RFTN2: variants seen among roughly 807,000 people sequenced by gnomAD.
The protein encoded by RFTN2 is raftlin family member 2, also known as raftlin-2.
Under a neutral mutation model 52.7 loss-of-function variants are expected in RFTN2, and 34 were observed. That is an observed-to-expected ratio of 0.64 (90% CI 0.49 to 0.86). RFTN2 has a LOEUF of 0.86. Among genes scored for constraint, RFTN2 ranks in the 40% least tolerant of loss-of-function variants. The pLI is 0.00. For missense variants in RFTN2, 536 were observed against 600.1 expected, an observed-to-expected ratio of 0.89 and a Z score of 1.12; for synonymous variants, 203 against 217.7, an observed-to-expected ratio of 0.93 and a Z score of 0.59.
chr2:197,613,791 A>G (rs2088100442), intron 7 of RFTN2, among the ~76,000 whole-genome samples: 1 of 152,218 alleles, frequency 6.6e-6, no homozygotes, highest in Non-Finnish European at 1.5e-5. Flanking sequence ...CAAAATAAAC[A>G]CCAATATTGC....
chr2:197,649,264 G>T (rs2088793693), intron 1 of RFTN2, among the ~76,000 whole-genome samples: 1 of 152,116 alleles, frequency 6.6e-6, no homozygotes, highest in African/African-American at 2.4e-5. Context: ...AACATACTGA[G>T]AATCCAAATA....
rs184196717 is a variant in RFTN2, at chr2:197,615,913, T to C, written c.1117A>G (p.Thr373Ala). The change falls in exon 7 of 9, where the codon ACA becomes GCA. Residue 373 changes from threonine to alanine, a missense_variant. By Grantham distance (58) the Thr-to-Ala change is moderately conservative. Coordinates refer to ENST00000295049, the MANE Select transcript of RFTN2 (RefSeq NM_144629.3). ...HTLAEFGWLLTSVLPTPVLRH... is the reference protein window; with the variant it reads ...HTLAEFGWLLASVLPTPVLRH... The stretch of plus-strand genomic sequence containing the variant: ...AATACAGGTGTGGGCAACACGCTTG[T>C]CAGAAGCCATCCGAATTCAGCCAGA... The C allele has an allele frequency of 1.9e-6, 3 of 1,558,806 alleles. No homozygotes were observed.
chr2:197,624,618 AAAAG>A (rs1347252720), intron 5 of RFTN2, among the ~76,000 whole-genome samples: 90 of 148,482 alleles, frequency 6.1e-4, no homozygotes, highest in Non-Finnish European at 8.1e-4. Context: ...AAAAAAAAAA[AAAAG>A]AAAGAGCCAA....
intron 3 of RFTN2, among the ~76,000 whole-genome samples, chr2:197,634,684 T>G (rs927316628): frequency 6.8e-6 from 1 of 147,398 alleles, no homozygotes; most frequent in African/African-American, 2.6e-5. Flanking sequence ...TAAGAATGCT[T>G]ATTTTTTATT....
chr2:197,612,964 T>A (rs2088087799), intron 7 of RFTN2, among the ~76,000 whole-genome samples: 1 of 152,212 alleles, frequency 6.6e-6, no homozygotes, highest in Non-Finnish European at 1.5e-5. Flanking sequence ...ACAGTAATTT[T>A]AAGTTATGTT....
At chr2:197,575,796 A>ATATATTTTATATACATAATATATATTCTC (rs1415567240) in intron 8 of RFTN2, among the ~76,000 whole-genome samples, 3 of 139,150 alleles carry the variant, frequency 2.2e-5, no homozygotes, top group African/African-American at 7.9e-5. Context: ...AATATATTAT[A>ATATATTTTATATACATAATATATATTCTC]TATATTTTAT....
At chr2:197,668,595 ACCTCAGGCCTGGCTGCAGTAG>A (rs913412273) in intron 1 of RFTN2, among the ~76,000 whole-genome samples, 25 of 152,066 alleles carry the variant, frequency 1.6e-4, no homozygotes, top group African/African-American at 5.8e-4. Flanking sequence ...CCTGGGTTGT[ACCTCAGGCCTGGCTGCAGTAG>A]CCTGCATGCA....
Position 197,643,067 on chromosome 2 carries a change from T to G in RFTN2, c.438+1091A>C, listed in dbSNP as rs114751667. Among the ~76,000 whole-genome samples the G allele has an allele frequency of 8.6e-3, 1,308 of 152,248 alleles. 14 individuals are homozygous for G. The highest frequency in any genetic ancestry group is 0.03 in the African/African-American group (1,262 of 41,526). On this transcript the variant is annotated intron_variant, in intron 3 of 8. Coordinates refer to ENST00000295049, the MANE Select transcript of RFTN2 (RefSeq NM_144629.3). ...ACAATGCCAGTTGTATTATGAATGT[T>G]AGCTTTTCTTTGTTTTTATTATTGT...
At chr2:197,614,168 T>C (rs1005065792) in intron 7 of RFTN2, among the ~76,000 whole-genome samples, 1 of 152,236 alleles carries the variant, frequency 6.6e-6, no homozygotes, top group African/African-American at 2.4e-5. Context: ...AAACGTAAGC[T>C]TAACCAGCTC....
intron 7 of RFTN2, among the ~76,000 whole-genome samples, chr2:197,609,797 A>C (rs535804809): frequency 6.6e-6 from 1 of 152,308 alleles, no homozygotes; most frequent in African/African-American, 2.4e-5. Context: ...TTTTTGTATA[A>C]GATGTAGGGA....
chr2:197,618,016 G>A (rs2088175020), intron 5 of RFTN2, 95 bp from the exon 6 acceptor site: 3 of 991,470 alleles, frequency 3.0e-6, no homozygotes, highest in Admixed American at 3.1e-5. Context: ...GGAAACTGAA[G>A]GAAAAACATT....
intron 3 of RFTN2, among the ~76,000 whole-genome samples, chr2:197,640,190 TTGTC>T (rs2088639867): frequency 6.6e-6 from 1 of 152,210 alleles, no homozygotes; most frequent in Non-Finnish European, 1.5e-5. Context: ...TGCTGTCTTT[TTGTC>T]TGTGCCCTGC....
chr2:197,671,455 T>G (rs141723411), intron 1 of RFTN2, among the ~76,000 whole-genome samples: 45 of 152,336 alleles, frequency 3.0e-4, no homozygotes, highest in African/African-American at 1.1e-3. Context: ...ATTCACTCAT[T>G]CAACAAAGAA....
At chr2:197,644,067 C>A in intron 3 of RFTN2, 91 bp downstream of exon 3, 1 of 813,536 alleles carries the variant, frequency 1.2e-6, no homozygotes, top group Non-Finnish European at 2.2e-6. Context: ...CTGTCATTTC[C>A]TTATTCTTTT....
chr2:197,574,592 G>T (rs575520207), intron 8 of RFTN2, among the ~76,000 whole-genome samples: 83 of 152,284 alleles, frequency 5.5e-4, no homozygotes, highest in Middle Eastern at 6.8e-3. Context: ...TTTTGGCCGG[G>T]TGCAGTGGCT....
chr2:197,653,169 C>T (rs7580003), intron 1 of RFTN2, among the ~76,000 whole-genome samples: 28,484 of 152,034 alleles, frequency 0.19, 2,793 homozygotes, highest in Middle Eastern at 0.27. Context: ...TGTTCAGTGC[C>T]GTATCTCTAT....
At chr2:197,605,056 G>A (rs1303111214) in intron 7 of RFTN2, among the ~76,000 whole-genome samples, 3 of 152,030 alleles carry the variant, frequency 2.0e-5, no homozygotes, top group African/African-American at 4.8e-5. Context: ...CACACCCAGC[G>A]TGTGTTTTAT....
chr2:197,634,113 C>T (rs2088517225), intron 3 of RFTN2, 116 bp from the exon 4 acceptor site: 2 of 839,112 alleles, frequency 2.4e-6, no homozygotes, highest in African/African-American at 1.7e-5. Context: ...GTAACTTGAC[C>T]AGTGACAAGA....
chr2:197,619,740 T>TAAA (rs201532331), intron 5 of RFTN2, among the ~76,000 whole-genome samples: 50 of 126,972 alleles, frequency 3.9e-4, no homozygotes, highest in Non-Finnish European at 5.6e-4. Context: ...AATGATCAAT[T>TAAA]AAAAAAAAAA....
Sources: gnomAD v4.1 joint callset for allele counts (sites outside exome capture counted in the v4.1 genomes callset) on GRCh38, gnomAD v4.1.1 for gene constraint, MANE v1.5 for transcripts, NCBI Gene and HGNC (gene_info 2026-07-23, HGNC 2026-07-21) for gene names.